The following GPR161 variants were observed in gnomAD, a reference collection of about 807,000 sequenced individuals.
GPR161 encodes the protein G protein-coupled receptor 161, also known as G-protein coupled receptor RE2.
Under a neutral mutation model 39.2 loss-of-function variants are expected in GPR161, and 25 were observed. The ratio of observed to expected loss-of-function variants is 0.64; its 90% CI spans 0.47 to 0.89. The LOEUF is 0.89. GPR161 is among the 40% of genes least tolerant of loss of function. The pLI is 0.00. For synonymous variants in GPR161, 286 were observed against 276.6 expected (o/e 1.03, Z -0.34); for missense variants, 547 against 677.8 (o/e 0.81, Z 2.14).
chr1:168,104,943 A>T, intron 1 of GPR161, 49 bp from the exon 2 acceptor site: 1 of 1,432,434 alleles, frequency 7.0e-7, no homozygotes, highest in Non-Finnish European at 9.6e-7. Flanking sequence ...TCATCAAATC[A>T]CATCGTCTCC....
intron 3 of GPR161, among the ~76,000 whole-genome samples, chr1:168,093,882 T>C (rs1390300848): frequency 6.6e-6 from 1 of 152,248 alleles, no homozygotes; most frequent in Non-Finnish European, 1.5e-5. Context: ...CTCTTACTGA[T>C]GCTGCTGCCT....
chr1:168,135,911 A>G lies in GPR161; in HGVS notation c.-45+828T>C, dbSNP rs951352427. ...AGGGATGAAAGTACAATAACAAGCA[A>G]AAATAGCCTCCAAGATGTGATATAA... On this transcript the variant is annotated intron_variant, in intron 1 of 5. Coordinates refer to ENST00000682931, the MANE Select transcript of GPR161 (RefSeq NM_001375883.1). The G allele has an allele frequency of 1.5e-5, 8 of 551,112 alleles. No individual in the cohort carries two copies. In the African/African-American group the frequency reaches 1.6e-4, roughly 11 times the overall value. 34.1% of individuals were successfully genotyped at this position (551,112 alleles called of 1,614,324 possible). A position where few individuals can be genotyped will look rare whatever the true frequency, so the allele number is the denominator to read the frequency against.
chr1:168,104,387 C>T lies in GPR161; in HGVS notation c.374+90G>A, dbSNP rs1430397744. 5 of 1,099,578 alleles carry T rather than the reference C, an allele frequency of 4.5e-6. No individual in the cohort carries two copies. In the Admixed American group the frequency reaches 5.9e-5, roughly 13 times the overall value. The allele number at this position is 1,099,578 out of a possible 1,614,324, so 68.1% of individuals were successfully genotyped here. On this transcript the variant is annotated intron_variant, in intron 2 of 5. Coordinates refer to ENST00000682931, the MANE Select transcript of GPR161 (RefSeq NM_001375883.1). ...TCCCCCAGCAAGGGCCCCTGACACTCTCCAGGGAACTAAGGCAGTCAGAGG... is the reference window on the plus strand; with the variant it reads ...TCCCCCAGCAAGGGCCCCTGACACTTTCCAGGGAACTAAGGCAGTCAGAGG...
At chr1:168,099,838 G>A (rs1431838069) in intron 2 of GPR161, among the ~76,000 whole-genome samples, 1 of 116,244 alleles carries the variant, frequency 8.6e-6, no homozygotes, top group Non-Finnish European at 1.6e-5. Context: ...TTTTTTTTTG[G>A]GGGGGGGGGG....
At chr1:168,092,823 T>A (rs1695193639) in intron 3 of GPR161, among the ~76,000 whole-genome samples, 1 of 152,136 alleles carries the variant, frequency 6.6e-6, no homozygotes, top group Non-Finnish European at 1.5e-5. Flanking sequence ...AGCGAGGTGT[T>A]TTCCCCTGGA....
Position 168,136,732 on chromosome 1 carries a change from T to G in GPR161, c.-45+7A>C, listed in dbSNP as rs1339707873. The G allele has an allele frequency of 3.0e-6, 3 of 1,007,896 alleles. No individual in the cohort carries two copies. Among genetic ancestry groups the G allele is most frequent in the Non-Finnish European group, 3.5e-6 (3 of 847,152 alleles). 62.4% of individuals were successfully genotyped at this position (1,007,896 alleles called of 1,614,324 possible). On this transcript the variant is annotated splice_region_variant and intron_variant, in intron 1 of 5. Coordinates refer to ENST00000682931, the MANE Select transcript of GPR161 (RefSeq NM_001375883.1). Reference sequence around the variant, plus strand: ...GCCCGCGCCCGCGCCCCACGCCGGGTGCTCACCGAGGAGCGGCCGCCGCGG... The same window carrying G: ...GCCCGCGCCCGCGCCCCACGCCGGGGGCTCACCGAGGAGCGGCCGCCGCGG...
chr1:168,085,914 G>A (rs930380643), intron 5 of GPR161, 118 bp from the exon 6 acceptor site: 20 of 854,440 alleles, frequency 2.3e-5, no homozygotes, highest in African/African-American at 5.1e-5. Context: ...AGTTAAGGGC[G>A]TGGGTTTCAA....
In GPR161 at chr1:168,080,464, T is replaced by A. The variant is rs933607729; in HGVS notation, c.*5067A>T. ...GACAGTATGGCTCTGCTCCTTCTTA[T>A]AGGCATATATGGCTAATCACAGCCA... On this transcript the variant is annotated 3_prime_UTR_variant, in exon 6 of 6. Coordinates refer to ENST00000682931, the MANE Select transcript of GPR161 (RefSeq NM_001375883.1). 6.6e-6 allele frequency: 1 copy of A among 152,260 alleles called. No individual in the cohort carries two copies. Among genetic ancestry groups the A allele is most frequent in the Non-Finnish European group, 1.5e-5 (1 of 68,054 alleles). The allele number at this position is 152,260 out of a possible 1,614,324, so 9.4% of individuals were successfully genotyped here. A position where few individuals can be genotyped will look rare whatever the true frequency, so the allele number is the denominator to read the frequency against.
chr1:168,085,842 G>A (rs761343198), intron 5 of GPR161, 46 bp from the exon 6 acceptor site: 1 of 1,553,004 alleles, frequency 6.4e-7, no homozygotes, highest in Admixed American at 1.9e-5. Flanking sequence ...AGCCAGGCCT[G>A]GGGACTACCT....
At chr1:168,105,557 G>A (rs1273021054) in intron 1 of GPR161, among the ~76,000 whole-genome samples, 2 of 152,198 alleles carry the variant, frequency 1.3e-5, no homozygotes, top group Admixed American at 1.3e-4. Flanking sequence ...CCTAAGCAGG[G>A]ATTAATCAGG....
intron 4 of GPR161, chr1:168,088,361 C>T (rs1213236096): frequency 6.6e-6 from 1 of 152,240 alleles, no homozygotes; most frequent in Non-Finnish European, 1.5e-5. Context: ...AGTGTCAGAT[C>T]CAGCCCCGTT....
intron 2 of GPR161, among the ~76,000 whole-genome samples, chr1:168,104,164 G>A (rs1397066423): frequency 2.0e-5 from 3 of 152,242 alleles, no homozygotes; most frequent in African/African-American, 7.2e-5. Flanking sequence ...CCTGGACCCA[G>A]TGCTGCCCGG....
At chr1:168,113,054 G>GTGTA (rs1307815054) in intron 1 of GPR161, among the ~76,000 whole-genome samples, 1 of 152,188 alleles carries the variant, frequency 6.6e-6, no homozygotes, top group Non-Finnish European at 1.5e-5. Flanking sequence ...ATCCCTCAGG[G>GTGTA]TGTATCTTTA....
intron 2 of GPR161, among the ~76,000 whole-genome samples, chr1:168,102,063 A>G (rs1314317583): frequency 6.6e-6 from 1 of 152,164 alleles, no homozygotes; most frequent in Non-Finnish European, 1.5e-5. Context: ...TCGGCCTCCC[A>G]AAGTGCTGGG....
At chr1:168,136,406 T>A in intron 1 of GPR161, 1 of 1,372,074 alleles carries the variant, frequency 7.3e-7, no homozygotes, top group Non-Finnish European at 9.4e-7. Flanking sequence ...TCCAGCGGAC[T>A]GTTTAGGGGC....
rs1007108483 is a variant in GPR161, at chr1:168,098,177, C to T, written c.375-945G>A. 7.9e-5 allele frequency among the ~76,000 whole-genome samples: 12 copies of T among 152,122 alleles called. No individual in the cohort carries two copies. Among genetic ancestry groups the T allele is most frequent in the African/African-American group, 2.9e-4 (12 of 41,436 alleles). ...CACCCCAGGCAGAAAGCTAGCCTGGCGAGGTATGGAGTTGTGAGTGAGCAC... is the reference window on the plus strand; with the variant it reads ...CACCCCAGGCAGAAAGCTAGCCTGGTGAGGTATGGAGTTGTGAGTGAGCAC... On this transcript the variant is annotated intron_variant, in intron 2 of 5. Transcript: ENST00000682931. The surrounding 1 kb of genome is among the most constrained non-coding windows in gnomAD (Gnocchi z 4.1).
chr1:168,110,333 A>G (rs1031345682), intron 1 of GPR161, among the ~76,000 whole-genome samples: 19 of 151,698 alleles, frequency 1.3e-4, no homozygotes, highest in African/African-American at 4.6e-4. Flanking sequence ...GTGAAACCTC[A>G]TCTCTACAGA....
upstream of GPR161, chr1:168,136,951 C>CG: frequency 1.1e-6 from 1 of 908,906 alleles, no homozygotes. Flanking sequence ...CGCCCGCGCC[C>CG]CGCCCCGCCC....
intron 3 of GPR161, among the ~76,000 whole-genome samples, chr1:168,091,737 C>G (rs1695085439): frequency 6.6e-6 from 1 of 152,092 alleles, no homozygotes; most frequent in African/African-American, 2.4e-5. Context: ...TACAATGGGT[C>G]ATCCTCAGAA....
Sources: allele counts gnomAD v4.1 joint callset (sites outside exome capture counted in the v4.1 genomes callset), GRCh38; gene constraint gnomAD v4.1.1; non-coding constraint Gnocchi (gnomAD v3.1); transcripts MANE v1.5; gene names NCBI Gene and HGNC (gene_info 2026-07-23, HGNC 2026-07-21).